Variants in KIAA0586 observed in about 807,000 individuals in gnomAD.
The protein encoded by KIAA0586 is protein TALPID3.
Under a neutral mutation model 169.8 loss-of-function variants are expected in KIAA0586, and 144 were observed. The ratio of observed to expected loss-of-function variants is 0.85; its 90% CI spans 0.74 to 0.97. KIAA0586 has a LOEUF of 0.97. KIAA0586 is among the 50% of genes least tolerant of loss of function. The probability of loss-of-function intolerance (pLI) is 0.00; values close to 1 mark genes in which losing one functional copy is unlikely to be tolerated. For missense variants in KIAA0586, 1,854 were observed against 1,823.0 expected, an observed-to-expected ratio of 1.02 and a Z score of -0.31; for synonymous variants, 625 against 612.4, an observed-to-expected ratio of 1.02 and a Z score of -0.30.
At chr14:58,529,755 G>A (rs534656431) in intron 29 of KIAA0586, among the ~76,000 whole-genome samples, 2 of 152,244 alleles carry the variant, frequency 1.3e-5, no homozygotes, top group South Asian at 4.1e-4. Context: ...ATATCATACT[G>A]TATGGGCAAA....
At chr14:58,460,442 G>A (rs1252570409) in intron 13 of KIAA0586, among the ~76,000 whole-genome samples, 2 of 152,060 alleles carry the variant, frequency 1.3e-5, no homozygotes, top group Non-Finnish European at 1.5e-5. Flanking sequence ...CATGTTTAGT[G>A]CCTAGTATAT....
intron 29 of KIAA0586, chr14:58,521,058 C>T (rs973392017): frequency 2.2e-5 from 9 of 401,044 alleles, no homozygotes; most frequent in Admixed American, 1.1e-4. Context: ...GAAGACTGAG[C>T]GGTTGTGGCC....
chr14:58,478,832 A>G (rs1280935680), intron 20 of KIAA0586, among the ~76,000 whole-genome samples: 5 of 152,348 alleles, frequency 3.3e-5, no homozygotes, highest in Non-Finnish European at 4.4e-5. Context: ...ATATGTAATC[A>G]TGCAATATGT....
chr14:58,526,148 G>A (rs954671440), intron 29 of KIAA0586, among the ~76,000 whole-genome samples: 3 of 152,226 alleles, frequency 2.0e-5, no homozygotes, highest in African/African-American at 7.2e-5. Flanking sequence ...GCAGACAGAT[G>A]TTCCTGCCTG....
At chr14:58,445,583 G>C (rs1231497840) in intron 6 of KIAA0586, among the ~76,000 whole-genome samples, 1 of 151,372 alleles carries the variant, frequency 6.6e-6, no homozygotes, top group Admixed American at 6.6e-5. Flanking sequence ...GCCAGCCTGC[G>C]CCACCATGCC....
At chr14:58,428,638 G>C (rs956601085) in intron 1 of KIAA0586, among the ~76,000 whole-genome samples, 175 bp downstream of exon 1, 6 of 147,800 alleles carry the variant, frequency 4.1e-5, no homozygotes, top group African/African-American at 1.2e-4. Flanking sequence ...TAGATGGAAT[G>C]AATGAAACTT....
intron 28 of KIAA0586, among the ~76,000 whole-genome samples, chr14:58,511,297 C>G (rs1488500233): frequency 6.6e-6 from 1 of 152,148 alleles, no homozygotes; most frequent in Non-Finnish European, 1.5e-5. Context: ...GTAATAATAG[C>G]ACACATTTAT....
chr14:58,521,148 C>G, intron 29 of KIAA0586: 1 of 565,218 alleles, frequency 1.8e-6, no homozygotes, highest in Non-Finnish European at 3.2e-6. Context: ...TCTCTTCTGC[C>G]TGCTCACTTC....
chr14:58,467,684 T>C (rs1199370936), intron 15 of KIAA0586, 51 bp from the exon 16 acceptor site: 1 of 1,350,434 alleles, frequency 7.4e-7, no homozygotes, highest in Non-Finnish European at 1.0e-6. Context: ...TATTAGACTT[T>C]TCCCTTTTTT....
intron 29 of KIAA0586, among the ~76,000 whole-genome samples, chr14:58,513,210 A>G: frequency 6.6e-6 from 1 of 151,916 alleles, no homozygotes. Context: ...CTTCTTAGTC[A>G]TTTACATTTT....
intron 16 of KIAA0586, among the ~76,000 whole-genome samples, chr14:58,470,358 G>A (rs1024745667): frequency 3.3e-5 from 5 of 151,942 alleles, no homozygotes; most frequent in Non-Finnish European, 5.9e-5. Flanking sequence ...AAAAGACAAA[G>A]GGAATAGTGA....
chr14:58,466,552 A>G (rs1257329828), intron 15 of KIAA0586, among the ~76,000 whole-genome samples: 2 of 152,106 alleles, frequency 1.3e-5, no homozygotes, highest in Non-Finnish European at 2.9e-5. Context: ...CCTGGGCAAC[A>G]TAGCAAGACC....
the KIAA0586 span, among the ~76,000 whole-genome samples, chr14:58,560,059 G>C: frequency 6.6e-6 from 1 of 151,754 alleles, no homozygotes; most frequent in East Asian, 1.9e-4. Flanking sequence ...GCTGAGGCAG[G>C]AGAATCGCTT....
chr14:58,469,024 G>C (rs1003330441), intron 16 of KIAA0586, among the ~76,000 whole-genome samples: 3 of 152,054 alleles, frequency 2.0e-5, no homozygotes, highest in Non-Finnish European at 2.9e-5. Flanking sequence ...CAGTCAACAG[G>C]CTCTTAGTAC....
At chr14:58,441,124 C>A in intron 4 of KIAA0586, 1 of 210,692 alleles carries the variant, frequency 4.7e-6, no homozygotes. Flanking sequence ...TTCAATTATA[C>A]CTCAGTAAAG....
At chr14:58,470,520 T>TAC (rs987888930) in intron 16 of KIAA0586, 93 bp from the exon 17 acceptor site, 15 of 651,430 alleles carry the variant, frequency 2.3e-5, no homozygotes, top group South Asian at 1.6e-4. Context: ...TATATGTGTA[T>TAC]ACACACACAC....
chr14:58,476,668 C>CTT (rs10666323), intron 19 of KIAA0586, among the ~76,000 whole-genome samples: 91,886 of 131,570 alleles, frequency 0.7, 32,753 homozygotes, highest in Middle Eastern at 0.74. Context: ...TTCAGAGGTA[C>CTT]TTTTTTTTTT....
chr14:58,509,603 AC>A (rs1299381224), intron 28 of KIAA0586, among the ~76,000 whole-genome samples: 68 of 152,296 alleles, frequency 4.5e-4, no homozygotes, highest in African/African-American at 1.5e-3. Flanking sequence ...AGGACATGTT[AC>A]GGATGAAACC....
intron 29 of KIAA0586, among the ~76,000 whole-genome samples, chr14:58,536,149 G>T (rs376995378): frequency 6.6e-6 from 1 of 151,694 alleles, no homozygotes; most frequent in African/African-American, 2.4e-5. Flanking sequence ...TAGATTTGGG[G>T]GTACATGTGC....
Sources: allele counts gnomAD v4.1 joint callset (sites outside exome capture counted in the v4.1 genomes callset), GRCh38; gene constraint gnomAD v4.1.1; transcripts MANE v1.5; gene names NCBI Gene and HGNC (gene_info 2026-07-23, HGNC 2026-07-21).